The following SSC4D variants were observed in gnomAD, a reference collection of about 807,000 sequenced individuals.
SSC4D encodes the protein scavenger receptor cysteine-rich domain-containing group B protein.
In SSC4D, 57 loss-of-function variants were observed where a neutral mutation model predicts 63.4. That is an observed-to-expected ratio of 0.90 (90% CI 0.73 to 1.12). The LOEUF (loss-of-function observed/expected upper bound fraction) is 1.12. Ranked by LOEUF, SSC4D falls within the 50% of genes most tolerant of loss-of-function variation. SSC4D has a pLI of 0.00. For synonymous variants in SSC4D, 352 were observed against 345.4 expected, an observed-to-expected ratio of 1.02 and a Z score of -0.21; for missense variants, 791 against 806.4, an observed-to-expected ratio of 0.98 and a Z score of 0.23.
intron 10 of SSC4D, among the ~76,000 whole-genome samples, chr7:76,391,677 A>AG (rs1458419659): frequency 6.6e-6 from 1 of 152,088 alleles, no homozygotes; most frequent in Non-Finnish European, 1.5e-5. Context: ...CTGGGCTCCC[A>AG]GAACTATATT....
At chr7:76,405,179 C>T (rs1804958582) in intron 1 of SSC4D, among the ~76,000 whole-genome samples, 2 of 139,844 alleles carry the variant, frequency 1.4e-5, no homozygotes, top group African/African-American at 5.1e-5. Context: ...TCTCGGCTCA[C>T]TGCAACCTCC....
intron 4 of SSC4D, 86 bp from the exon 5 acceptor site, chr7:76,398,883 C>T: frequency 1.4e-6 from 2 of 1,401,960 alleles, no homozygotes; most frequent in South Asian, 2.4e-5. Context: ...AGGATGGACC[C>T]ATAAGGTGCT....
chr7:76,398,857 G>T, intron 4 of SSC4D, 60 bp from the exon 5 acceptor site: 1 of 1,566,618 alleles, frequency 6.4e-7, no homozygotes, highest in Non-Finnish European at 8.8e-7. Context: ...ACACCACGGG[G>T]TGTTTAAGGG....
At chr7:76,405,602 G>T (rs1020559878) in intron 1 of SSC4D, among the ~76,000 whole-genome samples, 1 of 151,816 alleles carries the variant, frequency 6.6e-6, no homozygotes, top group African/African-American at 2.4e-5. Context: ...AAAGTTCCAA[G>T]TGTTTACTTC....
intron 9 of SSC4D, 111 bp downstream of exon 9, chr7:76,393,294 C>T (rs547239126): frequency 3.5e-6 from 4 of 1,151,738 alleles, no homozygotes; most frequent in East Asian, 6.7e-5. Context: ...AGTGCGCATG[C>T]TCCCCGGGCG....
rs1804552418 is a variant in SSC4D at position 76,393,560 on chromosome 7, G to C, written c.1178C>G (p.Ala393Gly). 8.6e-6 allele frequency: 13 copies of C among 1,517,702 alleles called. No homozygotes were observed. Among genetic ancestry groups the C allele is most frequent in the African/African-American group, 2.9e-5 (2 of 70,126 alleles). 94.0% of individuals were successfully genotyped at this position (1,517,702 alleles called of 1,614,324 possible). Residue 393 changes from alanine (A) to glycine (G), a missense_variant, in exon 9 of 11, where the codon GCT (alanine) becomes GGT (glycine). By Grantham distance (60) the Ala-to-Gly change is moderately conservative. Coordinates refer to ENST00000275560, the MANE Select transcript of SSC4D (RefSeq NM_080744.2). Reference protein sequence around the residue: ...REAGCGPALGATGLGHFGYGR... With the variant: ...REAGCGPALGGTGLGHFGYGR... ...GTAGCCGAAGTGGCCCAGTCCCGTAGCGCCCAGCGCAGGCCCGCAGCCCGC... is the reference window on the plus strand; with the variant it reads ...GTAGCCGAAGTGGCCCAGTCCCGTACCGCCCAGCGCAGGCCCGCAGCCCGC...
chr7:76,392,883 G>T (rs1201884863), intron 9 of SSC4D, among the ~76,000 whole-genome samples: 1 of 152,054 alleles, frequency 6.6e-6, no homozygotes, highest in Admixed American at 6.6e-5. Flanking sequence ...GGGAAGTAGG[G>T]CCTACTAGCC....
chr7:76,405,874 T>TTTTC (rs1380428435), intron 1 of SSC4D, among the ~76,000 whole-genome samples: 6 of 152,008 alleles, frequency 3.9e-5, no homozygotes, highest in Admixed American at 6.6e-5. Flanking sequence ...TTTGATTTTG[T>TTTTC]TTTCTTTCTT....
In SSC4D at chr7:76,398,775, TG is replaced by T. The variant is rs757682486; in HGVS notation, c.497del (p.Pro166GlnfsTer6). 1 of 1,613,138 alleles carries T rather than the reference TG, an allele frequency of 6.2e-7. No homozygotes were observed. Among genetic ancestry groups the T allele is most frequent in the East Asian group, 2.2e-5 (1 of 44,860 alleles). Reference sequence around the variant, plus strand: ...CTCTACTGGTTAACATCTTCCTTGTTGGGGGCTGCGTTGGCAAGAATTCTGG... The same window carrying T: ...CTCTACTGGTTAACATCTTCCTTGTTGGGGCTGCGTTGGCAAGAATTCTGG... ...LCDEFLPTQPPTRKMLTSRAP... is the reference protein window; with the variant it reads ...LCDEFLPTQPXTRKMLTSRAP... On this transcript the variant is annotated frameshift_variant, in exon 5 of 11. Coordinates refer to ENST00000275560, the MANE Select transcript of SSC4D (RefSeq NM_080744.2). LOFTEE classifies it high-confidence loss of function.
In SSC4D at chr7:76,404,383, C is replaced by T. The variant is rs372904571; in HGVS notation, c.57G>A (p.Gly19=). The change falls in exon 2 of 11, where the codon GGG becomes GGA. Residue 19 remains glycine, a synonymous_variant. Coordinates refer to ENST00000275560, the MANE Select transcript of SSC4D (RefSeq NM_080744.2). ...IGPQLDEKRW[G]WRLGDGSAAP... is the part of the protein sequence containing the mutation. Reference sequence around the variant, plus strand: ...CAGCACTCCCATCTCCCAACCTCCACCCCCAGCGCTTCTCATCCAGCTGGG... The same window carrying T: ...CAGCACTCCCATCTCCCAACCTCCATCCCCAGCGCTTCTCATCCAGCTGGG... 1.2e-6 allele frequency: 2 copies of T among 1,613,816 alleles called. No homozygotes were observed. Among genetic ancestry groups the T allele is most frequent in the African/African-American group, 1.3e-5 (1 of 74,924 alleles).
chr7:76,389,808 C>T lies in SSC4D; in HGVS notation c.*251G>A. On this transcript the variant is annotated 3_prime_UTR_variant, in exon 11 of 11. Coordinates refer to ENST00000275560, the MANE Select transcript of SSC4D (RefSeq NM_080744.2). ...CCTCTTCCCCTCGTTTTGGTTTTGG[C>T]TGAGCAAAACCACAGGAGCTTTCAC... 3 of 540,110 alleles carry T rather than the reference C, an allele frequency of 5.6e-6. No individual in the cohort carries two copies. Among genetic ancestry groups the T allele is most frequent in the Non-Finnish European group, 9.8e-6 (3 of 304,662 alleles). The allele number at this position is 540,110 out of a possible 1,614,324, so 33.5% of individuals were successfully genotyped here.
At position 76,393,655 on chromosome 7, in the gene SSC4D, G is replaced by C. The variant is rs1282249453; in HGVS notation, c.1083C>G (p.His361Gln). The C allele has an allele frequency of 8.2e-6, 12 of 1,470,026 alleles. No individual in the cohort carries two copies. In the African/African-American group the frequency reaches 1.3e-4, roughly 16 times the overall value. The allele number at this position is 1,470,026 out of a possible 1,614,324, so 91.1% of individuals were successfully genotyped here. ...CGCACACGGTGCCCCAGCCCCCGGC[G>C]TGCAACACCTCCACGCGGCCGCGGC... ...GPCRGRVEVL[H>Q]AGGWGTVCDD... is the part of the protein sequence containing the mutation. The change falls in exon 9 of 11, where the codon CAC becomes CAG. Residue 361 changes from histidine to glutamine, a missense_variant. His to Gln is a conservative substitution (Grantham distance 24). Coordinates refer to ENST00000275560, the MANE Select transcript of SSC4D (RefSeq NM_080744.2).
At chr7:76,405,761 A>G (rs1293004970) in intron 1 of SSC4D, among the ~76,000 whole-genome samples, 1 of 151,870 alleles carries the variant, frequency 6.6e-6, no homozygotes, top group African/African-American at 2.4e-5. Context: ...GTAGCTGAGG[A>G]TGTGTGAAGA....
chr7:76,392,123 C>A, intron 9 of SSC4D, 82 bp from the exon 10 acceptor site: 2 of 1,404,494 alleles, frequency 1.4e-6, no homozygotes, highest in Non-Finnish European at 1.9e-6. Flanking sequence ...CTCCTGCTCT[C>A]CCCAGGAAAG....
At chr7:76,392,163 G>T in intron 9 of SSC4D, 122 bp from the exon 10 acceptor site, 1 of 929,936 alleles carries the variant, frequency 1.1e-6, no homozygotes, top group Non-Finnish European at 1.6e-6. Flanking sequence ...GGACTTCACA[G>T]GTTCCTGAAG....
Position 76,400,350 on chromosome 7 carries a change from G to A in SSC4D, c.411C>T (p.Cys137=), listed in dbSNP as rs150236892. Residue 137 remains cysteine (C), a synonymous_variant, in exon 4 of 11, where the codon TGC becomes TGT. Transcript: ENST00000275560. ...TGTGGACGCCCCAGCCGCGGCTGCC[G>A]CACTCGCTCAGCGCAGCTTCCTGCC... ...CRGQEAALSE[C]GSRGWGVHNC... is the part of the protein sequence containing the mutation. 1.8e-5 allele frequency: 28 copies of A among 1,536,590 alleles called. No individual in the cohort carries two copies. The highest frequency in any genetic ancestry group is 1.1e-4 in the South Asian group (9 of 83,796).
chr7:76,406,837 A>G (rs570834314), intron 1 of SSC4D, among the ~76,000 whole-genome samples: 13 of 151,462 alleles, frequency 8.6e-5, no homozygotes, highest in Admixed American at 6.6e-4. Context: ...CGAGCATTGT[A>G]AGCAGCGTTT....
intron 1 of SSC4D, among the ~76,000 whole-genome samples, chr7:76,405,317 G>T (rs1339090961): frequency 0.11 from 1,655 of 15,554 alleles, 160 homozygotes; most frequent in African/African-American, 0.23. Flanking sequence ...ATATATATAT[G>T]TATTTTTTTC....
chr7:76,394,748 A>AATAT lies in SSC4D; in HGVS notation c.946+501_946+504dup, dbSNP rs35943058. The stretch of plus-strand genomic sequence containing the variant: ...TGGCAATTTAAATATATGTATGTAT[A>AATAT]ATATATATATATATATATATAAAAT... On this transcript the variant is annotated intron_variant, in intron 7 of 10. Transcript: ENST00000275560. 6.3e-3 allele frequency among the ~76,000 whole-genome samples: 821 copies of AATAT among 131,284 alleles called. 7 individuals carry two copies. The highest frequency in any genetic ancestry group is 0.012 in the Middle Eastern group (3 of 248). 86.1% of individuals were successfully genotyped at this position (131,284 alleles called of 152,430 possible). A position where few individuals can be genotyped will look rare whatever the true frequency, so the allele number is the denominator to read the frequency against.
Sources: gnomAD v4.1 joint callset for allele counts (sites outside exome capture counted in the v4.1 genomes callset) on GRCh38, gnomAD v4.1.1 for gene constraint, MANE v1.5 for transcripts, NCBI Gene and HGNC (gene_info 2026-07-23, HGNC 2026-07-21) for gene names.